The following OASL variants were observed in gnomAD, a reference collection of about 807,000 sequenced individuals.
OASL encodes 2'-5'-oligoadenylate synthase-like protein.
In OASL, 28 loss-of-function variants were observed where a neutral mutation model predicts 35.3. The ratio of observed to expected loss-of-function variants is 0.79; its 90% CI spans 0.59 to 1.09. The LOEUF is 1.09. Among genes scored for constraint, OASL ranks in the 50% least tolerant of loss-of-function variants. The pLI is 0.00. For synonymous variants in OASL, 252 were observed against 254.6 expected (o/e 0.99, Z 0.10); for missense variants, 620 against 635.2 (o/e 0.98, Z 0.26).
At chr12:121,021,169 G>T in intron 5 of OASL, 111 bp from the exon 6 acceptor site, 2 of 1,171,904 alleles carry the variant, frequency 1.7e-6, no homozygotes, top group Middle Eastern at 2.9e-4. Flanking sequence ...AGCAGCGGCA[G>T]CAGCAAATGT....
intron 2 of OASL, among the ~76,000 whole-genome samples, chr12:121,033,052 GTAGCTGGGA>G (rs1233184904): frequency 6.6e-6 from 1 of 151,900 alleles, no homozygotes; most frequent in Non-Finnish European, 1.5e-5. Flanking sequence ...ACCCTCCTGA[GTAGCTGGGA>G]TTACAGGCGC....
chr12:121,020,745 C>A (rs1403718948), exon 6 of OASL: 1 of 1,614,148 alleles, frequency 6.2e-7, no homozygotes, highest in East Asian at 2.2e-5. Context: ...CAGGATGAAG[C>A]TGTTGGGGTT....
intron 1 of OASL, among the ~76,000 whole-genome samples, chr12:121,036,456 T>C (rs1276173365): frequency 6.6e-6 from 1 of 152,146 alleles, no homozygotes; most frequent in Non-Finnish European, 1.5e-5. Flanking sequence ...CAGGAAGTAT[T>C]TGAGGCTTAG....
At chr12:121,034,167 C>T (rs568789011) in intron 1 of OASL, among the ~76,000 whole-genome samples, 3 of 150,576 alleles carry the variant, frequency 2.0e-5, no homozygotes, top group African/African-American at 4.9e-5. Flanking sequence ...TCTCAGGTCT[C>T]GCAGTTTGCA....
exon 3 of OASL, chr12:121,031,465 G>A: frequency 6.2e-7 from 1 of 1,613,742 alleles, no homozygotes; most frequent in Non-Finnish European, 8.5e-7. Flanking sequence ...TGTTTCACCA[G>A]GCGCAGGAGG....
chr12:121,030,106 C>T (rs1869664048), intron 3 of OASL, among the ~76,000 whole-genome samples: 1 of 152,178 alleles, frequency 6.6e-6, no homozygotes, highest in Non-Finnish European at 1.5e-5. Context: ...AACCCTTGGG[C>T]TCAAGTGATC....
At chr12:121,024,107 G>A in exon 5 of OASL, 1 of 1,614,156 alleles carries the variant, frequency 6.2e-7, no homozygotes. Flanking sequence ...CCACGTTGAG[G>A]GTGGGGTCGG....
chr12:121,037,547 G>T (rs1330594057), intron 1 of OASL, among the ~76,000 whole-genome samples: 2 of 152,020 alleles, frequency 1.3e-5, no homozygotes, highest in Non-Finnish European at 2.9e-5. Context: ...GGCCGAGGAG[G>T]GCAGATCATG....
chr12:121,020,949 G>T, exon 6 of OASL: 1 of 1,614,166 alleles, frequency 6.2e-7, no homozygotes, highest in Non-Finnish European at 8.5e-7. Flanking sequence ...GTAGCCCCTG[G>T]TCCTCCGGAT....
At chr12:121,020,851 A>C (rs1247510059) in exon 6 of OASL, 1 of 1,614,218 alleles carries the variant, frequency 6.2e-7, no homozygotes, top group South Asian at 1.1e-5. Flanking sequence ...GTGTGGGAGA[A>C]GATCCCATAT....
At chr12:121,036,051 G>A (rs1250772222) in intron 1 of OASL, among the ~76,000 whole-genome samples, 2 of 151,950 alleles carry the variant, frequency 1.3e-5, no homozygotes, top group African/African-American at 2.4e-5. Flanking sequence ...TTGTAGAGTC[G>A]GGGGTCTCAC....
chr12:121,027,692 G>T (rs1359742700), exon 4 of OASL: 1 of 1,614,162 alleles, frequency 6.2e-7, no homozygotes, highest in Non-Finnish European at 8.5e-7. Context: ...CCATCACAGT[G>T]GTGAAGCCTT....
At chr12:121,037,472 A>G (rs1869998345) in intron 1 of OASL, among the ~76,000 whole-genome samples, 1 of 152,006 alleles carries the variant, frequency 6.6e-6, no homozygotes, top group Admixed American at 6.6e-5. Flanking sequence ...CACCTCTCTG[A>G]GCCTCCATTA....
exon 6 of OASL, chr12:121,020,372 C>T (rs1026517000): frequency 1.5e-5 from 9 of 581,114 alleles, no homozygotes; most frequent in Admixed American, 3.2e-5. Context: ...TCGGCTCAAG[C>T]GCTCCTCCCA....
At chr12:121,022,811 A>G (rs1477979376) in intron 5 of OASL, among the ~76,000 whole-genome samples, 2 of 152,176 alleles carry the variant, frequency 1.3e-5, no homozygotes, top group East Asian at 3.8e-4. Flanking sequence ...TTTTAAAGGA[A>G]TCTTCTCTGG....
exon 1 of OASL, chr12:121,039,231 GC>G: frequency 1.9e-6 from 1 of 513,812 alleles, no homozygotes; most frequent in Non-Finnish European, 3.5e-6. Context: ...TAACAGGCTG[GC>G]CGTCTAGTCA....
At chr12:121,034,389 A>T (rs1046352555) in intron 1 of OASL, among the ~76,000 whole-genome samples, 1 of 151,778 alleles carries the variant, frequency 6.6e-6, no homozygotes, top group Admixed American at 6.6e-5. Context: ...CTGGTCTCGA[A>T]CTCCTGGACT....
At chr12:121,038,982 A>G in exon 1 of OASL, 1 of 1,612,640 alleles carries the variant, frequency 6.2e-7, no homozygotes, top group Non-Finnish European at 8.5e-7. Flanking sequence ...CTCTGTCCCG[A>G]GAGTACCGCT....
chr12:121,039,137 C>T, exon 1 of OASL: 1 of 618,480 alleles, frequency 1.6e-6, no homozygotes, highest in Non-Finnish European at 2.9e-6. Flanking sequence ...GGGCTGACTC[C>T]AGGTCCCCCT....
Sources: gnomAD v4.1 joint callset for allele counts (sites outside exome capture counted in the v4.1 genomes callset) on GRCh38, gnomAD v4.1.1 for gene constraint, MANE v1.5 for transcripts, NCBI Gene and HGNC (gene_info 2026-07-23, HGNC 2026-07-21) for gene names.